The following CSMD1 variants were observed in gnomAD, a reference collection of about 807,000 sequenced individuals.
CSMD1 encodes CUB and Sushi multiple domains 1.
Under a neutral mutation model 417.5 loss-of-function variants are expected in CSMD1, and 213 were observed. That is an observed-to-expected ratio of 0.51 (90% CI 0.46 to 0.57). The LOEUF is 0.57. Ranked by LOEUF, CSMD1 falls within the 20% of genes least tolerant of loss-of-function variation. The pLI, the probability that CSMD1 is intolerant of heterozygous loss-of-function variation, is 0.00. For missense variants in CSMD1, 6,923 were observed against 4,529.7 expected (o/e 1.53, Z -15.17); for synonymous variants, 2,862 against 1,736.8 (o/e 1.65, Z -16.11).
intron 7 of CSMD1, 34 bp downstream of exon 7, chr8:3,708,380 T>A: frequency 6.3e-7 from 1 of 1,579,024 alleles, no homozygotes; most frequent in South Asian, 1.1e-5. Context: ...TACAAGGGCG[T>A]ATCAATCCTC....
chr8:3,415,591 TC>T (rs1251877578), intron 12 of CSMD1, among the ~76,000 whole-genome samples: 2 of 152,208 alleles, frequency 1.3e-5, no homozygotes, highest in Non-Finnish European at 2.9e-5. Flanking sequence ...ACTCCTGGCC[TC>T]AAGTGATCTG....
chr8:4,476,622 G>A (rs944064301), intron 2 of CSMD1, among the ~76,000 whole-genome samples: 4 of 152,162 alleles, frequency 2.6e-5, no homozygotes, highest in Admixed American at 1.3e-4. Flanking sequence ...GTTTGAGACT[G>A]CCTTTAGAAA....
At chr8:3,410,841 T>G (rs887758928) in intron 12 of CSMD1, among the ~76,000 whole-genome samples, 1 of 151,970 alleles carries the variant, frequency 6.6e-6, no homozygotes, top group African/African-American at 2.4e-5. Context: ...GGGGCTCGAG[T>G]GATCCTCCCA....
At chr8:4,889,717 T>A (rs1183468818) in intron 1 of CSMD1, among the ~76,000 whole-genome samples, 1 of 152,234 alleles carries the variant, frequency 6.6e-6, no homozygotes, top group East Asian at 1.9e-4. Flanking sequence ...CAAAGAAAAT[T>A]TACCTTAATA....
intron 52 of CSMD1, 48 bp from the exon 53 acceptor site, chr8:3,000,179 A>G (rs79229511): frequency 0.047 from 65,564 of 1,404,750 alleles, 2,682 homozygotes; most frequent in African/African-American, 0.22. Flanking sequence ...TGTCATTTAT[A>G]AAAGTAGTAC....
intron 3 of CSMD1, among the ~76,000 whole-genome samples, chr8:4,135,423 G>GGGGAAGGA (rs1205550806): frequency 2.8e-5 from 4 of 142,584 alleles, no homozygotes; most frequent in African/African-American, 8.2e-5. Context: ...GGGGAAGGAA[G>GGGGAAGGA]GGGAAGGAGG....
At chr8:4,252,808 C>T (rs911165116) in intron 3 of CSMD1, among the ~76,000 whole-genome samples, 2 of 152,208 alleles carry the variant, frequency 1.3e-5, no homozygotes, top group African/African-American at 2.4e-5. Context: ...ACACTTTCTC[C>T]ATGCCAAGGA....
intron 55 of CSMD1, among the ~76,000 whole-genome samples, chr8:2,976,327 T>C (rs1416003022): frequency 6.6e-6 from 1 of 152,124 alleles, no homozygotes; most frequent in Non-Finnish European, 1.5e-5. Context: ...ATGTGGTAGA[T>C]CCGATTCATA....
chr8:4,006,814 AC>A (rs1349465529), intron 4 of CSMD1, among the ~76,000 whole-genome samples: 3 of 137,746 alleles, frequency 2.2e-5, no homozygotes, highest in Non-Finnish European at 4.6e-5. Context: ...AGAATCCAGG[AC>A]TTTTCCTATT....
chr8:3,557,169 A>G (rs1258190175), intron 10 of CSMD1, among the ~76,000 whole-genome samples: 1 of 152,214 alleles, frequency 6.6e-6, no homozygotes, highest in African/African-American at 2.4e-5. Context: ...CATTCAGAAG[A>G]CACTTCTATG....
chr8:4,634,083 C>A (rs1199482796), intron 2 of CSMD1, among the ~76,000 whole-genome samples: 1 of 151,224 alleles, frequency 6.6e-6, no homozygotes, highest in Non-Finnish European at 1.5e-5. Context: ...GTCCAAATTT[C>A]TTCCCTGTGC....
Position 4,637,324 on chromosome 8 carries a change from A to T in CSMD1, c.302+18T>A. On this transcript the variant is annotated intron_variant, in intron 2 of 69. Transcript: ENST00000635120. ...ATTCAAACAGTGCTAACTGTAATATAAAAAGTTGATACCTTACCTCACTTT... is the reference window on the plus strand; with the variant it reads ...ATTCAAACAGTGCTAACTGTAATATTAAAAGTTGATACCTTACCTCACTTT... The T allele has an allele frequency of 6.4e-7, 1 of 1,565,406 alleles. No individual in the cohort carries two copies. The highest frequency in any genetic ancestry group is 8.8e-7 in the Non-Finnish European group (1 of 1,136,514).
At chr8:4,420,151 G>T (rs760181702) in intron 2 of CSMD1, 86 bp from the exon 3 acceptor site, 1 of 847,802 alleles carries the variant, frequency 1.2e-6, no homozygotes, top group Non-Finnish European at 1.9e-6. Context: ...TGAATAACTT[G>T]AACAGTGGTA....
chr8:3,671,047 G>A (rs186619305), intron 7 of CSMD1, among the ~76,000 whole-genome samples: 11 of 121,642 alleles, frequency 9.0e-5, no homozygotes, highest in African/African-American at 2.5e-4. Flanking sequence ...GGATATATAT[G>A]TATATAGGAT....
At chr8:4,176,703 C>A (rs1273879561) in intron 3 of CSMD1, among the ~76,000 whole-genome samples, 1 of 150,694 alleles carries the variant, frequency 6.6e-6, no homozygotes, top group Non-Finnish European at 1.5e-5. Context: ...TGCAGAGACA[C>A]ACATAGGCTC....
At chr8:3,729,795 C>A (rs1017207724) in intron 6 of CSMD1, among the ~76,000 whole-genome samples, 1 of 151,864 alleles carries the variant, frequency 6.6e-6, no homozygotes, top group Non-Finnish European at 1.5e-5. Context: ...TCCTGATGAC[C>A]ATGATTTCTT....
intron 49 of CSMD1, among the ~76,000 whole-genome samples, chr8:3,067,913 A>C (rs930621579): frequency 2.6e-5 from 4 of 152,166 alleles, no homozygotes; most frequent in Non-Finnish European, 5.9e-5. Flanking sequence ...TAGATGATTT[A>C]TCCAGAGTTC....
At chr8:4,122,877 A>G (rs1435014034) in intron 3 of CSMD1, among the ~76,000 whole-genome samples, 2 of 152,118 alleles carry the variant, frequency 1.3e-5, no homozygotes, top group Admixed American at 1.3e-4. Flanking sequence ...AAGAAAGGCA[A>G]CTCCTGAAGA....
intron 1 of CSMD1, among the ~76,000 whole-genome samples, chr8:4,815,895 T>C (rs1237419794): frequency 6.6e-6 from 1 of 152,112 alleles, no homozygotes; most frequent in Non-Finnish European, 1.5e-5. Flanking sequence ...TTGGTTATGA[T>C]CTCATCTAGG....
Sources: gnomAD v4.1 joint callset for allele counts (sites outside exome capture counted in the v4.1 genomes callset) on GRCh38, gnomAD v4.1.1 for gene constraint, MANE v1.5 for transcripts, NCBI Gene and HGNC (gene_info 2026-07-23, HGNC 2026-07-21) for gene names.